The following ATG10 variants were observed in gnomAD, a reference collection of about 807,000 sequenced individuals.
The protein encoded by ATG10 is autophagy related 10, also known as ubiquitin-like-conjugating enzyme ATG10.
In ATG10, 30 loss-of-function variants were observed where a neutral mutation model predicts 32.1. That is an observed-to-expected ratio of 0.94 (90% confidence interval 0.70 to 1.27). The LOEUF (loss-of-function observed/expected upper bound fraction) is 1.27. Ranked by LOEUF, ATG10 falls within the 50% of genes most tolerant of loss-of-function variation. The pLI, the probability that ATG10 is intolerant of heterozygous loss-of-function variation, is 0.00. For missense variants in ATG10, 233 were observed against 262.3 expected (o/e 0.89, Z 0.77); for synonymous variants, 87 against 91.5 (o/e 0.95, Z 0.28).
chr5:82,178,431 AC>A, intron 4 of ATG10, 58 bp from the exon 5 acceptor site: 1 of 1,024,538 alleles, frequency 9.8e-7, no homozygotes, highest in South Asian at 1.3e-5. Flanking sequence ...TTAGATTGAC[AC>A]CAAGCACCAT....
intron 4 of ATG10, among the ~76,000 whole-genome samples, chr5:82,170,157 G>A (rs1323721715): frequency 6.6e-6 from 1 of 151,832 alleles, no homozygotes; most frequent in African/African-American, 2.4e-5. Flanking sequence ...AACAAGGTAA[G>A]TACATTAATT....
At chr5:82,209,416 G>A (rs1053678296) in intron 5 of ATG10, among the ~76,000 whole-genome samples, 1 of 152,132 alleles carries the variant, frequency 6.6e-6, no homozygotes, top group Non-Finnish European at 1.5e-5. Context: ...GGTGGGATTA[G>A]TGTGCTCATT....
intron 1 of ATG10, among the ~76,000 whole-genome samples, chr5:81,979,602 T>C (rs1386599118): frequency 1.3e-5 from 2 of 152,098 alleles, no homozygotes; most frequent in Non-Finnish European, 2.9e-5. Flanking sequence ...TCCCCAGACA[T>C]TGCAGACATT....
chr5:82,197,725 TCTATCTATCTATCTATCTATCTA>T (rs1744919626), intron 5 of ATG10, among the ~76,000 whole-genome samples: 1 of 53,842 alleles, frequency 1.9e-5, no homozygotes, highest in Admixed American at 1.8e-4. Flanking sequence ...TTTCTTTCTA[TCTATCTATCTATCTATCTATCTA>T]TCTATCTATC....
chr5:82,053,586 A>G (rs1348104399), intron 2 of ATG10, among the ~76,000 whole-genome samples: 4 of 152,058 alleles, frequency 2.6e-5, no homozygotes, highest in Non-Finnish European at 4.4e-5. Flanking sequence ...TCTCATTTAA[A>G]TATTTCTTAT....
intron 5 of ATG10, among the ~76,000 whole-genome samples, chr5:82,206,269 G>C (rs1051644162): frequency 2.6e-5 from 4 of 152,150 alleles, no homozygotes; most frequent in Admixed American, 2.0e-4. Context: ...ATCTTGGAGA[G>C]AGGCAAACAT....
chr5:81,973,285 A>G (rs1274441863), intron 1 of ATG10: 1 of 152,190 alleles, frequency 6.6e-6, no homozygotes, highest in Non-Finnish European at 1.5e-5. Flanking sequence ...GCCCGCCACC[A>G]CGCTCAGCTA....
At chr5:82,201,316 T>C (rs1373428238) in intron 5 of ATG10, among the ~76,000 whole-genome samples, 2 of 152,240 alleles carry the variant, frequency 1.3e-5, no homozygotes, top group African/African-American at 4.8e-5. Flanking sequence ...CTAGGATTTA[T>C]TTTGATTTAA....
chr5:82,052,426 T>C (rs1052977295), intron 2 of ATG10, among the ~76,000 whole-genome samples: 1 of 152,148 alleles, frequency 6.6e-6, no homozygotes, highest in Non-Finnish European at 1.5e-5. Flanking sequence ...TGCTTGTCTC[T>C]CTTGGATTCT....
intron 6 of ATG10, among the ~76,000 whole-genome samples, 199 bp from the exon 7 acceptor site, chr5:82,253,115 C>G (rs1375556166): frequency 1.3e-5 from 2 of 152,178 alleles, no homozygotes; most frequent in Non-Finnish European, 2.9e-5. Context: ...AATGAGGGAT[C>G]CTTACAGGCT....
At chr5:82,202,424 C>G (rs931487699) in intron 5 of ATG10, among the ~76,000 whole-genome samples, 5 of 152,168 alleles carry the variant, frequency 3.3e-5, no homozygotes, top group East Asian at 1.9e-4. Flanking sequence ...ACTCTTCCCC[C>G]CTGCAGACTT....
intron 5 of ATG10, among the ~76,000 whole-genome samples, chr5:82,191,958 C>T (rs950967693): frequency 1.2e-4 from 18 of 152,314 alleles, no homozygotes; most frequent in Non-Finnish European, 1.6e-4. Context: ...AGCTAATACA[C>T]AGTTCTCACA....
At chr5:81,994,388 C>T (rs1338703484) in intron 2 of ATG10, among the ~76,000 whole-genome samples, 1 of 152,018 alleles carries the variant, frequency 6.6e-6, no homozygotes, top group Non-Finnish European at 1.5e-5. Context: ...CTTTTATCAG[C>T]ACTAGAAAAC....
intron 3 of ATG10, among the ~76,000 whole-genome samples, chr5:82,095,909 A>T (rs1430413937): frequency 6.6e-6 from 1 of 152,184 alleles, no homozygotes; most frequent in African/African-American, 2.4e-5. Flanking sequence ...ACAGGCATTA[A>T]TGATGAACTC....
intron 2 of ATG10, among the ~76,000 whole-genome samples, chr5:82,036,935 A>G (rs1762941506): frequency 6.6e-6 from 1 of 151,752 alleles, no homozygotes; most frequent in South Asian, 2.1e-4. Context: ...GATCGAGACC[A>G]TCCTGGCCAA....
chr5:82,250,629 G>T (rs760825388), intron 5 of ATG10, among the ~76,000 whole-genome samples: 17 of 152,046 alleles, frequency 1.1e-4, no homozygotes, highest in Non-Finnish European at 2.4e-4. Context: ...AATCCCTCCA[G>T]AATCATGTTA....
intron 3 of ATG10, among the ~76,000 whole-genome samples, chr5:82,096,602 A>G (rs1399424332): frequency 3.3e-5 from 5 of 152,176 alleles, no homozygotes; most frequent in African/African-American, 1.2e-4. Flanking sequence ...TAGGTGGGCC[A>G]GCTTTGTCAT....
At chr5:82,200,930 C>T (rs1351299554) in intron 5 of ATG10, among the ~76,000 whole-genome samples, 1 of 149,842 alleles carries the variant, frequency 6.7e-6, no homozygotes, top group African/African-American at 2.5e-5. Flanking sequence ...CTCTCTGTCA[C>T]CCAGGCTGGA....
At chr5:82,077,862 T>C in intron 3 of ATG10, among the ~76,000 whole-genome samples, 1 of 152,196 alleles carries the variant, frequency 6.6e-6, no homozygotes, top group Middle Eastern at 3.2e-3. Context: ...GATTTTGCAC[T>C]TGTCTGGAGT....
Sources: allele counts gnomAD v4.1 joint callset (sites outside exome capture counted in the v4.1 genomes callset), GRCh38; gene constraint gnomAD v4.1.1; transcripts MANE v1.5; gene names NCBI Gene and HGNC (gene_info 2026-07-23, HGNC 2026-07-21).